The following PGM2L1 variants were observed in gnomAD, a reference collection of about 807,000 sequenced individuals.
PGM2L1 encodes phosphoglucomutase 2 like 1.
Under a neutral mutation model 73.4 loss-of-function variants are expected in PGM2L1, and 35 were observed. The ratio of observed to expected loss-of-function variants is 0.48; its 90% CI spans 0.36 to 0.63. The LOEUF (loss-of-function observed/expected upper bound fraction) is 0.63. PGM2L1 is among the 30% of genes least tolerant of loss of function. The probability of loss-of-function intolerance (pLI) is 0.00; values close to 1 mark genes in which losing one functional copy is unlikely to be tolerated. For missense variants in PGM2L1, 570 were observed against 742.0 expected (o/e 0.77, Z 2.69); for synonymous variants, 225 against 253.8 (o/e 0.89, Z 1.08).
chr11:74,383,132 TTAA>T (rs1410831870), intron 1 of PGM2L1, among the ~76,000 whole-genome samples: 2 of 152,160 alleles, frequency 1.3e-5, no homozygotes, highest in Non-Finnish European at 2.9e-5. Flanking sequence ...TAAAGTAATG[TTAA>T]TAATAAAAAA....
chr11:74,341,716 A>AT, intron 12 of PGM2L1, among the ~76,000 whole-genome samples: 1 of 145,400 alleles, frequency 6.9e-6, no homozygotes, highest in South Asian at 2.2e-4. Flanking sequence ...AAAAAAAAAA[A>AT]GGAAAGCAAT....
At chr11:74,379,494 A>C (rs528851882) in intron 1 of PGM2L1, among the ~76,000 whole-genome samples, 3 of 152,328 alleles carry the variant, frequency 2.0e-5, no homozygotes, top group Admixed American at 6.5e-5. Flanking sequence ...CTACTATTTT[A>C]ATAATTCTAA....
intron 12 of PGM2L1, among the ~76,000 whole-genome samples, chr11:74,340,873 T>C (rs1189536520): frequency 1.3e-5 from 2 of 152,050 alleles, no homozygotes; most frequent in African/African-American, 4.8e-5. Flanking sequence ...GGTATGGGCC[T>C]GTAGAAATTG....
chr11:74,393,720 G>A (rs768684056), intron 1 of PGM2L1, among the ~76,000 whole-genome samples: 2 of 152,022 alleles, frequency 1.3e-5, no homozygotes, highest in Non-Finnish European at 2.9e-5. Flanking sequence ...CCTCCACATC[G>A]TTGTTGATAT....
At chr11:74,380,776 T>C (rs982981366) in intron 1 of PGM2L1, among the ~76,000 whole-genome samples, 19 of 152,184 alleles carry the variant, frequency 1.2e-4, no homozygotes, top group African/African-American at 3.9e-4. Context: ...AAGTAAAAAA[T>C]ATTTCTCATA....
intron 9 of PGM2L1, 76 bp from the exon 10 acceptor site, chr11:74,343,492 T>C (rs985617904): frequency 3.2e-6 from 5 of 1,559,528 alleles, no homozygotes; most frequent in Non-Finnish European, 4.3e-6. Flanking sequence ...TGCCACTACA[T>C]GCACACAACG....
At chr11:74,344,760 T>C (rs587836) in intron 9 of PGM2L1, among the ~76,000 whole-genome samples, 8,156 of 152,220 alleles carry the variant, frequency 0.054, 706 homozygotes, top group African/African-American at 0.18. Context: ...ACTTTCAGTA[T>C]CTTCTATTTT....
chr11:74,349,808 ATTTGT>A (rs1220197389), intron 6 of PGM2L1, among the ~76,000 whole-genome samples: 1 of 152,172 alleles, frequency 6.6e-6, no homozygotes, highest in African/African-American at 2.4e-5. Flanking sequence ...ATAATTACCC[ATTTGT>A]TTTATCATAT....
chr11:74,374,363 T>C, intron 2 of PGM2L1, 52 bp downstream of exon 2: 1 of 1,436,442 alleles, frequency 7.0e-7, no homozygotes, highest in Non-Finnish European at 9.4e-7. Context: ...ATTACAGGCA[T>C]GAGCCACCAT....
intron 12 of PGM2L1, among the ~76,000 whole-genome samples, chr11:74,340,037 T>A (rs753904899): frequency 2.0e-5 from 3 of 152,222 alleles, no homozygotes; most frequent in Non-Finnish European, 4.4e-5. Context: ...TTTTCTTGAG[T>A]GCAGTGTTTT....
At chr11:74,369,635 A>G (rs995430795) in intron 4 of PGM2L1, among the ~76,000 whole-genome samples, 1 of 152,240 alleles carries the variant, frequency 6.6e-6, no homozygotes, top group African/African-American at 2.4e-5. Flanking sequence ...GTGAATCCAA[A>G]CTCAGAAAGG....
chr11:74,351,671 A>G, intron 5 of PGM2L1, 95 bp from the exon 6 acceptor site: 1 of 1,200,270 alleles, frequency 8.3e-7, no homozygotes, highest in Non-Finnish European at 1.1e-6. Flanking sequence ...TAAAAAGCAT[A>G]TCAAATTGAG....
At chr11:74,346,367 G>A (rs1862267235) in intron 8 of PGM2L1, among the ~76,000 whole-genome samples, 1 of 144,530 alleles carries the variant, frequency 6.9e-6, no homozygotes, top group Non-Finnish European at 1.5e-5. Context: ...TTATGTCTTT[G>A]TAAAAATTAA....
rs183316782 is a variant in PGM2L1, at chr11:74,331,390, G to A, written c.*5262C>T. On this transcript the variant is annotated 3_prime_UTR_variant, in exon 14 of 14. Transcript: ENST00000298198. ...TGATTCTCCTGCCTCAGCCTCCCGAGTAGCTGGGATTACAGGCATGTGCCA... is the reference window on the plus strand; with the variant it reads ...TGATTCTCCTGCCTCAGCCTCCCGAATAGCTGGGATTACAGGCATGTGCCA... 4.0e-3 allele frequency: 603 copies of A among 151,788 alleles called. 1 individual carries two copies. Among genetic ancestry groups the A allele is most frequent in the Non-Finnish European group, 6.1e-3 (417 of 68,264 alleles). 9.4% of individuals were successfully genotyped at this position (151,788 alleles called of 1,614,324 possible).
chr11:74,393,732 T>C (rs1000753521), intron 1 of PGM2L1, among the ~76,000 whole-genome samples: 2 of 152,184 alleles, frequency 1.3e-5, no homozygotes, highest in Non-Finnish European at 1.5e-5. Flanking sequence ...TGTTGATATA[T>C]AGGAAGTTCA....
intron 1 of PGM2L1, among the ~76,000 whole-genome samples, chr11:74,388,276 G>GA (rs1263189900): frequency 6.6e-6 from 1 of 152,006 alleles, no homozygotes; most frequent in Non-Finnish European, 1.5e-5. Flanking sequence ...TTGAATACTG[G>GA]AAAATCTGTT....
chr11:74,376,076 T>C (rs1591186137), intron 1 of PGM2L1, among the ~76,000 whole-genome samples: 2 of 152,300 alleles, frequency 1.3e-5, no homozygotes, highest in Non-Finnish European at 2.9e-5. Context: ...ACAGTGCTTT[T>C]ACAGCAAGTA....
intron 2 of PGM2L1, among the ~76,000 whole-genome samples, chr11:74,372,356 T>A (rs2134931171): frequency 6.6e-6 from 1 of 152,254 alleles, no homozygotes; most frequent in East Asian, 1.9e-4. Context: ...GGTTTTAAAA[T>A]CTCACAGAAA....
intron 6 of PGM2L1, among the ~76,000 whole-genome samples, chr11:74,348,775 G>GTATGTAGA (rs1862306129): frequency 6.6e-6 from 1 of 152,112 alleles, no homozygotes; most frequent in African/African-American, 2.4e-5. Context: ...TGTATCTCCA[G>GTATGTAGA]TATGTAGACT....
Sources: gnomAD v4.1 joint callset for allele counts (sites outside exome capture counted in the v4.1 genomes callset) on GRCh38, gnomAD v4.1.1 for gene constraint, MANE v1.5 for transcripts, NCBI Gene and HGNC (gene_info 2026-07-23, HGNC 2026-07-21) for gene names.